Variants in NECTIN4 observed in about 807,000 individuals in gnomAD.
NECTIN4 encodes the protein nectin cell adhesion molecule 4, also known as nectin-4.
NECTIN4 carries 19 observed loss-of-function variants against 51.7 expected under a neutral mutation model. The observed-to-expected ratio is 0.37, with a 90% CI of 0.26 to 0.54. NECTIN4 has a LOEUF of 0.54. NECTIN4 is among the 20% of genes least tolerant of loss of function. NECTIN4 has a pLI of 0.86. For synonymous variants in NECTIN4, 283 were observed against 286.9 expected (o/e 0.99, Z 0.14); for missense variants, 619 against 662.4 (o/e 0.93, Z 0.72).
chr1:161,079,220 A>T (rs1043107505), intron 2 of NECTIN4, among the ~76,000 whole-genome samples: 1 of 152,196 alleles, frequency 6.6e-6, no homozygotes, highest in African/African-American at 2.4e-5. Context: ...AGGAACCAGT[A>T]AGTTTAGCTT....
intron 1 of NECTIN4, among the ~76,000 whole-genome samples, chr1:161,081,103 G>A (rs911579559): frequency 6.6e-6 from 1 of 152,210 alleles, no homozygotes; most frequent in Non-Finnish European, 1.5e-5. Flanking sequence ...AAGGTGGCTT[G>A]TTTAGGAAGC....
intron 8 of NECTIN4, 150 bp from the exon 9 acceptor site, chr1:161,073,035 A>G: frequency 1.1e-6 from 1 of 934,856 alleles, no homozygotes; most frequent in Admixed American, 2.0e-5. Flanking sequence ...ATCGGGGACC[A>G]GGAACAAGTG....
rs372791615 is a variant in NECTIN4, at chr1:161,072,844, C to T, written c.1350G>A (p.Thr450=). Reference sequence around the variant, plus strand: ...CAGTCTGTGTTTCTATCTCCCTCACCGTGGTCAGCGTGGAGTAACTGCGGC... The same window carrying T: ...CAGTCTGTGTTTCTATCTCCCTCACTGTGGTCAGCGTGGAGTAACTGCGGC... The part of the protein sequence containing the change: ...PEGRSYSTLT[T]VREIETQTEL... Residue 450 remains threonine (T), a synonymous_variant, in exon 9 of 9, where the codon ACG becomes ACA. Coordinates refer to ENST00000368012, the MANE Select transcript of NECTIN4 (RefSeq NM_030916.3). The T allele has an allele frequency of 4.8e-5, 77 of 1,614,046 alleles. No individual in the cohort carries two copies. Among genetic ancestry groups the T allele is most frequent in the South Asian group, 4.2e-4 (38 of 91,078 alleles).
At chr1:161,083,970 A>C (rs1480501097) in intron 1 of NECTIN4, among the ~76,000 whole-genome samples, 1 of 152,154 alleles carries the variant, frequency 6.6e-6, no homozygotes, top group Non-Finnish European at 1.5e-5. Flanking sequence ...ATCTTTAAGG[A>C]AGTATCTTTT....
In NECTIN4 at chr1:161,075,580, G is replaced by A. The variant is rs377723081; in HGVS notation, c.851+775C>T. Among the ~76,000 whole-genome samples, 7 of 152,114 alleles carry A rather than the reference G, an allele frequency of 4.6e-5. No individual in the cohort carries two copies. In the South Asian group the frequency reaches 1.2e-3, roughly 27 times the overall value. ...GAGGTCAGCAGTTCGAGACCAGCGT[G>A]GTCAACATGGTGAAAGCCCATCTCT... On this transcript the variant is annotated intron_variant, in intron 4 of 8. Transcript: ENST00000368012.
intron 1 of NECTIN4, among the ~76,000 whole-genome samples, chr1:161,085,238 G>T (rs1033754476): frequency 2.0e-5 from 3 of 152,058 alleles, no homozygotes; most frequent in African/African-American, 7.3e-5. Flanking sequence ...TGTCTGGGGA[G>T]GGGGGCCACA....
chr1:161,077,351 G>T, intron 3 of NECTIN4, 102 bp downstream of exon 3: 1 of 1,277,206 alleles, frequency 7.8e-7, no homozygotes. Flanking sequence ...ATAGCCTCCA[G>T]GACCCAGGCT....
At position 161,073,718 on chromosome 1, in the gene NECTIN4, A is replaced by G. The variant is rs749609829; in HGVS notation, c.1233+2T>C. ...ATGCATACACCCAACCTTGGCACAC[A>G]CCTGGCTCCTGGGGTCCGTGTGATG... On this transcript the variant is annotated splice_donor_variant, in intron 7 of 8. Coordinates refer to ENST00000368012, the MANE Select transcript of NECTIN4 (RefSeq NM_030916.3). LOFTEE classifies it high-confidence loss of function. 2.7e-5 allele frequency: 44 copies of G among 1,613,772 alleles called. No individual in the cohort carries two copies. Among genetic ancestry groups the G allele is most frequent in the Non-Finnish European group, 3.4e-5 (40 of 1,179,854 alleles).
At position 161,073,670 on chromosome 1, in the gene NECTIN4, C is replaced by T. The variant is rs771391791; in HGVS notation, c.1233+50G>A. 5 of 1,482,766 alleles carry T rather than the reference C, an allele frequency of 3.4e-6. No individual in the cohort carries two copies. In the Admixed American group the frequency reaches 6.7e-5, roughly 20 times the overall value. The allele number at this position is 1,482,766 out of a possible 1,614,324, so 91.9% of individuals were successfully genotyped here. A position where few individuals can be genotyped will look rare whatever the true frequency, so the allele number is the denominator to read the frequency against. Reference sequence around the variant, plus strand: ...GCAGAGGGGCCCAGGCACAAGCAGACCCCAATGCGACCACACCCCTGCATG... The same window carrying T: ...GCAGAGGGGCCCAGGCACAAGCAGATCCCAATGCGACCACACCCCTGCATG... On this transcript the variant is annotated intron_variant, in intron 7 of 8. Transcript: ENST00000368012.
At chr1:161,084,052 G>A (rs575284485) in intron 1 of NECTIN4, among the ~76,000 whole-genome samples, 1 of 152,356 alleles carries the variant, frequency 6.6e-6, no homozygotes, top group East Asian at 1.9e-4. Context: ...GGATCGTAGA[G>A]GTGGGTCTGT....
At chr1:161,088,067 G>T (rs931018349) in intron 1 of NECTIN4, among the ~76,000 whole-genome samples, 1 of 152,188 alleles carries the variant, frequency 6.6e-6, no homozygotes, top group Admixed American at 6.5e-5. Context: ...GGGGATGGCA[G>T]GGGTAGGAGC....
chr1:161,079,568 G>A (rs3820097), intron 2 of NECTIN4, 22 bp downstream of exon 2: 1,414,485 of 1,601,136 alleles, frequency 0.88, 626,676 homozygotes, highest in African/African-American at 0.97. Context: ...GGCTCAGACC[G>A]TACCCAGAGA....
chr1:161,076,566 G>T, intron 3 of NECTIN4, 91 bp from the exon 4 acceptor site: 1 of 1,547,562 alleles, frequency 6.5e-7, no homozygotes, highest in Non-Finnish European at 8.8e-7. Flanking sequence ...CACCCTGCCT[G>T]AAACACCCTC....
chr1:161,073,382 T>C, intron 7 of NECTIN4, 83 bp from the exon 8 acceptor site: 1 of 1,160,428 alleles, frequency 8.6e-7, no homozygotes, highest in East Asian at 2.4e-5. Flanking sequence ...TCCACCAGCC[T>C]CCTCCCTACT....
chr1:161,076,560 C>A lies in NECTIN4; in HGVS notation c.731-85G>T. On this transcript the variant is annotated intron_variant, in intron 3 of 8. Transcript: ENST00000368012. ...CAAAGGGCCCTGCCCCCACCCCACC[C>A]TGCCTGAAACACCCTCCCCTTGCCC... 9.6e-6 allele frequency: 15 copies of A among 1,562,636 alleles called. No homozygotes were observed. The South Asian group carries it at 1.7e-4, about 17-fold the overall frequency.
chr1:161,083,321 A>G (rs1365355146), intron 1 of NECTIN4, among the ~76,000 whole-genome samples: 1 of 152,198 alleles, frequency 6.6e-6, no homozygotes, highest in African/African-American at 2.4e-5. Flanking sequence ...GGGCCCTAGA[A>G]TCCCTGTCCT....
In NECTIN4 at chr1:161,079,813, C is replaced by A. The variant is rs1429219556; in HGVS notation, c.216G>T (p.Ala72=). The change falls in exon 2 of 9, where the codon GCG becomes GCT. Residue 72 remains alanine (A), a synonymous_variant. Transcript: ENST00000368012. ...VGQVAWARVD[A]GEGAQELALL... ...GCGCTAGTTCCTGGGCGCCTTCGCC[C>A]GCGTCCACCCGAGCCCATGCCACTT... 6.2e-7 allele frequency: 1 copy of A among 1,613,628 alleles called. No individual in the cohort carries two copies. Among genetic ancestry groups the A allele is most frequent in the Non-Finnish European group, 8.5e-7 (1 of 1,180,004 alleles).
In NECTIN4 at chr1:161,079,544, C is replaced by T. The variant is rs775839152; in HGVS notation, c.439+46G>A. Reference sequence around the variant, plus strand: ...TCTGCAGTCCCCATCTCTGCTTCCCCCTGCATCCACAGCGGCTCAGACCGT... The same window carrying T: ...TCTGCAGTCCCCATCTCTGCTTCCCTCTGCATCCACAGCGGCTCAGACCGT... On this transcript the variant is annotated intron_variant, in intron 2 of 8. Coordinates refer to ENST00000368012, the MANE Select transcript of NECTIN4 (RefSeq NM_030916.3). 8.8e-6 allele frequency: 14 copies of T among 1,597,332 alleles called. No homozygotes were observed. The Admixed American group carries it at 1.2e-4, about 13-fold the overall frequency.
intron 6 of NECTIN4, 71 bp from the exon 7 acceptor site, chr1:161,073,866 A>ACCTT (rs1653296667): frequency 7.1e-7 from 1 of 1,407,678 alleles, no homozygotes; most frequent in African/African-American, 1.4e-5. Context: ...ATCCTGGCTG[A>ACCTT]GCCTAGTGAG....
Sources: allele counts gnomAD v4.1 joint callset (sites outside exome capture counted in the v4.1 genomes callset), GRCh38; gene constraint gnomAD v4.1.1; transcripts MANE v1.5; gene names NCBI Gene and HGNC (gene_info 2026-07-23, HGNC 2026-07-21).